Variants in CLASP1 observed in about 807,000 individuals in gnomAD.
CLASP1 encodes CLIP-associating protein 1.
A neutral mutation model predicts 192.3 loss-of-function variants in CLASP1; 38 were observed. The observed-to-expected ratio is 0.20, with a 90% CI of 0.15 to 0.26. CLASP1 has a LOEUF of 0.26. Among genes scored for constraint, CLASP1 ranks in the 10% least tolerant of loss-of-function variants. The pLI is 1.00. For missense variants in CLASP1, 1,433 were observed against 1,932.5 expected (o/e 0.74, Z 4.85); for synonymous variants, 691 against 712.8 (o/e 0.97, Z 0.49).
chr2:121,367,609 C>T (rs756386666), exon 35 of CLASP1: 15 of 1,613,892 alleles, frequency 9.3e-6, no homozygotes, highest in East Asian at 2.2e-5. Flanking sequence ...TGCTCCATGT[C>T]GTCATCGAAC....
At chr2:121,432,885 C>T (rs1363638838) in intron 19 of CLASP1, among the ~76,000 whole-genome samples, 1 of 152,182 alleles carries the variant, frequency 6.6e-6, no homozygotes, top group Non-Finnish European at 1.5e-5. Context: ...AAATAATTCA[C>T]TTTTACTTCT....
At chr2:121,536,335 T>A (rs1194745706) in intron 2 of CLASP1, among the ~76,000 whole-genome samples, 1 of 138,390 alleles carries the variant, frequency 7.2e-6, no homozygotes, top group Non-Finnish European at 1.5e-5. Context: ...GAGCCGAGAT[T>A]GTGCCACTGC....
chr2:121,419,082 A>AT (rs2079070018), intron 22 of CLASP1, among the ~76,000 whole-genome samples: 1 of 152,258 alleles, frequency 6.6e-6, no homozygotes, highest in Non-Finnish European at 1.5e-5. Flanking sequence ...TTATGAGCTT[A>AT]GCAAACTTCT....
chr2:121,531,335 C>T (rs1260320330), intron 2 of CLASP1, among the ~76,000 whole-genome samples: 3 of 152,184 alleles, frequency 2.0e-5, no homozygotes, highest in Non-Finnish European at 2.9e-5. Flanking sequence ...GTGGCTCACG[C>T]CTGCAATCCC....
chr2:121,509,176 TAC>T (rs757390036), intron 7 of CLASP1, among the ~76,000 whole-genome samples: 7 of 152,106 alleles, frequency 4.6e-5, no homozygotes, highest in Non-Finnish European at 1.0e-4. Context: ...AATATTAGAA[TAC>T]AGATTCTTCT....
At chr2:121,398,152 A>T (rs569040244) in intron 29 of CLASP1, among the ~76,000 whole-genome samples, 170 bp downstream of exon 30, 2 of 152,364 alleles carry the variant, frequency 1.3e-5, no homozygotes, top group East Asian at 3.9e-4. Flanking sequence ...CAGCAAATAC[A>T]CTACTAGGTA....
At chr2:121,505,656 A>G (rs2093922168) in intron 7 of CLASP1, among the ~76,000 whole-genome samples, 1 of 152,182 alleles carries the variant, frequency 6.6e-6, no homozygotes, top group African/African-American at 2.4e-5. Flanking sequence ...TGAATACATA[A>G]CTAATGATTA....
At chr2:121,581,530 T>A (rs2061167213) in intron 2 of CLASP1, among the ~76,000 whole-genome samples, 2 of 152,004 alleles carry the variant, frequency 1.3e-5, no homozygotes, top group Non-Finnish European at 2.9e-5. Context: ...CGCCTCGGCC[T>A]CCCAAAGTGC....
rs144236468 is a variant in CLASP1 at position 121,418,129 on chromosome 2, G to A, written c.2320+493C>T. ...GGGTTTATTATGTGTCCATTTTAGA[G>A]ATGGCAGGACTATTAACTCTAAAAA... On this transcript the variant is annotated intron_variant, in intron 23 of 39. Coordinates refer to ENST00000263710, the Ensembl canonical transcript of CLASP1. Among the ~76,000 whole-genome samples, 604 of 152,326 alleles carry A rather than the reference G, an allele frequency of 4.0e-3. 3 individuals carry two copies. The highest frequency in any genetic ancestry group is 0.013 in the African/African-American group (537 of 41,578).
In CLASP1 at chr2:121,478,694, CACA is replaced by C. The variant is rs1200013111; in HGVS notation, c.713-8737_713-8735del. Among the ~76,000 whole-genome samples, 70 of 88,130 alleles carry C rather than the reference CACA, an allele frequency of 7.9e-4. 1 individual carries two copies. Among genetic ancestry groups the C allele is most frequent in the Admixed American group, 7.9e-3 (66 of 8,380 alleles). 57.8% of individuals were successfully genotyped at this position (88,130 alleles called of 152,430 possible). A position where few individuals can be genotyped will look rare whatever the true frequency, so the allele number is the denominator to read the frequency against. On this transcript the variant is annotated intron_variant, in intron 8 of 39. Transcript: ENST00000263710. ...ACACACCACACACACACCCCACACA[CACA>C]ACCACACCCCACACACACAACCACA...
At chr2:121,508,476 T>A (rs1241192099) in intron 7 of CLASP1, among the ~76,000 whole-genome samples, 2 of 152,114 alleles carry the variant, frequency 1.3e-5, no homozygotes, top group African/African-American at 4.8e-5. Flanking sequence ...AGAACATAAA[T>A]AGCACACCTG....
intron 22 of CLASP1, among the ~76,000 whole-genome samples, chr2:121,420,979 A>T (rs2079398998): frequency 6.6e-6 from 1 of 152,198 alleles, no homozygotes; most frequent in Non-Finnish European, 1.5e-5. Flanking sequence ...ACCCAGAGAG[A>T]GTTCATTCAC....
At chr2:121,623,356 C>A (rs945244202) in intron 1 of CLASP1, among the ~76,000 whole-genome samples, 74 of 152,308 alleles carry the variant, frequency 4.9e-4, no homozygotes, top group African/African-American at 1.7e-3. Context: ...AGACATTAAG[C>A]CAACTTTGCA....
At position 121,467,448 on chromosome 2, in the gene CLASP1, T is replaced by C. The variant is rs190603175; in HGVS notation, c.865+2360A>G. On this transcript the variant is annotated intron_variant, in intron 9 of 39. Transcript: ENST00000263710. Reference sequence around the variant, plus strand: ...TCAACAGTGTAAAAGCACTCCTTTTTCTCCACAACCTCGCCAGCATCTATT... The same window carrying C: ...TCAACAGTGTAAAAGCACTCCTTTTCCTCCACAACCTCGCCAGCATCTATT... Among the ~76,000 whole-genome samples the C allele has an allele frequency of 1.5e-4, 23 of 152,298 alleles. No homozygotes were observed. The East Asian group carries it at 3.1e-3, about 20-fold the overall frequency.
intron 19 of CLASP1, among the ~76,000 whole-genome samples, chr2:121,432,186 G>A (rs920336668): frequency 1.3e-5 from 2 of 152,028 alleles, no homozygotes; most frequent in African/African-American, 2.4e-5. Context: ...GTGTGACCTC[G>A]GCTTACTGCA....
chr2:121,398,364 C>A (rs1452745570), exon 29 of CLASP1: 1 of 1,598,416 alleles, frequency 6.3e-7, no homozygotes, highest in South Asian at 1.1e-5. Context: ...TAAATCTCAT[C>A]AAAATGTTAA....
chr2:121,603,421 A>G lies in CLASP1; in HGVS notation c.195+2280T>C, dbSNP rs535819559. Among the ~76,000 whole-genome samples, 5 of 152,342 alleles carry G rather than the reference A, an allele frequency of 3.3e-5. No homozygotes were observed. The South Asian group carries it at 1.0e-3, about 32-fold the overall frequency. On this transcript the variant is annotated intron_variant, in intron 2 of 39. Transcript: ENST00000263710. Reference sequence around the variant, plus strand: ...ATGGCTATTATCAAAAAGACAAAAAATAATAAATGCTGATGAGGATGTAGC... The same window carrying G: ...ATGGCTATTATCAAAAAGACAAAAAGTAATAAATGCTGATGAGGATGTAGC...
At chr2:121,423,896 C>T (rs1306511264) in intron 22 of CLASP1, among the ~76,000 whole-genome samples, 1 of 152,186 alleles carries the variant, frequency 6.6e-6, no homozygotes, top group Non-Finnish European at 1.5e-5. Flanking sequence ...CTAAGGTGGG[C>T]TTCAAAGACT....
At chr2:121,489,832 A>G (rs1179088074) in intron 8 of CLASP1, among the ~76,000 whole-genome samples, 3 of 152,246 alleles carry the variant, frequency 2.0e-5, no homozygotes, top group African/African-American at 7.2e-5. Context: ...GCATCCTTGC[A>G]CTGCTATCAT....
Sources: gnomAD v4.1 joint callset for allele counts (sites outside exome capture counted in the v4.1 genomes callset) on GRCh38, gnomAD v4.1.1 for gene constraint, MANE v1.5 for transcripts, NCBI Gene and HGNC (gene_info 2026-07-23, HGNC 2026-07-21) for gene names.